The following RNF13 variants were observed in gnomAD, a reference collection of about 807,000 sequenced individuals.
RNF13 encodes the protein ring finger protein 13.
Under a neutral mutation model 37.7 loss-of-function variants are expected in RNF13, and 19 were observed. The ratio of observed to expected loss-of-function variants is 0.50; its 90% CI spans 0.35 to 0.74. RNF13 has a LOEUF of 0.74. Among genes scored for constraint, RNF13 ranks in the 30% least tolerant of loss-of-function variants. The pLI is 0.01. For missense variants in RNF13, 375 were observed against 453.0 expected (o/e 0.83, Z 1.56); for synonymous variants, 144 against 157.8 (o/e 0.91, Z 0.65).
intron 4 of RNF13, among the ~76,000 whole-genome samples, chr3:149,881,015 A>G (rs963705928): frequency 2.0e-5 from 3 of 152,210 alleles, no homozygotes; most frequent in Admixed American, 6.5e-5. Context: ...CACTACCTAT[A>G]CGATAATAAC....
intron 4 of RNF13, among the ~76,000 whole-genome samples, chr3:149,878,485 A>C (rs1576809310): frequency 6.6e-6 from 1 of 152,324 alleles, no homozygotes; most frequent in East Asian, 1.9e-4. Context: ...AATGGAATGT[A>C]ATATTGGCAG....
intron 1 of RNF13, among the ~76,000 whole-genome samples, chr3:149,831,223 G>T (rs1451526114): frequency 3.9e-5 from 6 of 152,222 alleles, no homozygotes; most frequent in Admixed American, 3.9e-4. Context: ...GCAGGCCACT[G>T]TTCTCCAGAC....
At chr3:149,846,325 G>A (rs767341355) in intron 2 of RNF13, among the ~76,000 whole-genome samples, 185 bp downstream of exon 2, 4 of 152,116 alleles carry the variant, frequency 2.6e-5, no homozygotes, top group South Asian at 4.1e-4. Context: ...TTTTTGAGAC[G>A]GAATTTCATT....
intron 8 of RNF13, among the ~76,000 whole-genome samples, chr3:149,929,883 A>G (rs1337251435): frequency 6.6e-6 from 1 of 152,002 alleles, no homozygotes; most frequent in Non-Finnish European, 1.5e-5. Flanking sequence ...TGTCCCATTT[A>G]TCTATTCTTT....
chr3:149,916,548 A>T (rs543460100), intron 7 of RNF13, among the ~76,000 whole-genome samples: 1 of 152,264 alleles, frequency 6.6e-6, no homozygotes, highest in African/African-American at 2.4e-5. Flanking sequence ...TTAATGCTAA[A>T]TTCTTTACTT....
chr3:149,919,002 A>G (rs933920169), intron 7 of RNF13, among the ~76,000 whole-genome samples: 1 of 151,978 alleles, frequency 6.6e-6, no homozygotes, highest in South Asian at 2.1e-4. Flanking sequence ...ATGTATTTGG[A>G]TTAATTTCTA....
chr3:149,856,877 A>G (rs1723706437), intron 3 of RNF13, among the ~76,000 whole-genome samples: 2 of 152,156 alleles, frequency 1.3e-5, no homozygotes, highest in African/African-American at 4.8e-5. Flanking sequence ...CCTCCTGAGT[A>G]GCTGGGACTA....
At chr3:149,815,985 C>T (rs574054625) in intron 1 of RNF13, among the ~76,000 whole-genome samples, 15 of 152,126 alleles carry the variant, frequency 9.9e-5, no homozygotes, top group East Asian at 3.9e-4. Context: ...CTCGACCTCC[C>T]GTGCTCAAGG....
chr3:149,830,667 GA>G (rs1211112594), intron 1 of RNF13, among the ~76,000 whole-genome samples: 2 of 147,048 alleles, frequency 1.4e-5, no homozygotes, highest in Admixed American at 1.4e-4. Context: ...TGATGCAATA[GA>G]AAAGAAAAAC....
intron 6 of RNF13, 89 bp from the exon 7 acceptor site, chr3:149,911,889 G>C: frequency 2.7e-6 from 2 of 748,748 alleles, no homozygotes; most frequent in South Asian, 3.1e-5. Flanking sequence ...CTATATGTCT[G>C]TTTTTAAAAA....
chr3:149,960,734 C>T lies in RNF13; in HGVS notation c.782-6C>T, dbSNP rs2108621948. 3 of 1,591,230 alleles carry T rather than the reference C, an allele frequency of 1.9e-6. No individual in the cohort carries two copies. Among genetic ancestry groups the T allele is most frequent in the Non-Finnish European group, 2.6e-6 (3 of 1,171,896 alleles). On this transcript the variant is annotated splice_region_variant and splice_polypyrimidine_tract_variant and intron_variant, in intron 9 of 9. Coordinates refer to ENST00000392894, the MANE Select transcript of RNF13 (RefSeq NM_183381.3). ...CTAACTAAAGATGTATATTTTGCTT[C>T]AACAGCTTATCACTGCAAGTGTGTA...
intron 5 of RNF13, among the ~76,000 whole-genome samples, chr3:149,898,613 A>G (rs923824228): frequency 6.6e-6 from 1 of 152,188 alleles, no homozygotes; most frequent in Non-Finnish European, 1.5e-5. Context: ...TTTAGTTGCG[A>G]TGAAGATTGA....
chr3:149,858,042 G>C (rs1723833553), intron 3 of RNF13, among the ~76,000 whole-genome samples: 1 of 152,160 alleles, frequency 6.6e-6, no homozygotes, highest in Non-Finnish European at 1.5e-5. Flanking sequence ...TCCCTCAAGA[G>C]TGGGTTGTTA....
chr3:149,922,216 T>TC (rs1718205625), intron 8 of RNF13, among the ~76,000 whole-genome samples: 2 of 152,140 alleles, frequency 1.3e-5, no homozygotes, highest in Admixed American at 1.3e-4. Context: ...TTGTGATCCA[T>TC]CCACCTCGGC....
intron 1 of RNF13, among the ~76,000 whole-genome samples, chr3:149,839,860 A>G (rs1229520208): frequency 6.6e-6 from 1 of 152,096 alleles, no homozygotes; most frequent in Non-Finnish European, 1.5e-5. Flanking sequence ...TGTATGTTGC[A>G]TTTGTCTTTA....
chr3:149,895,989 T>G (rs1715218154), intron 5 of RNF13, among the ~76,000 whole-genome samples: 1 of 152,208 alleles, frequency 6.6e-6, no homozygotes, highest in Non-Finnish European at 1.5e-5. Context: ...TTATTAGCCC[T>G]TCGTCATACA....
At position 149,844,033 on chromosome 3, in the gene RNF13, C is replaced by A. The variant is rs113231249; in HGVS notation, c.-16-1978C>A. On this transcript the variant is annotated intron_variant, in intron 1 of 9. Transcript: ENST00000392894. ...TTAGCTGGAAATTTAGATGGAAAGTCATAGTTTTTATTCAGATTCAGTTTC... is the reference window on the plus strand; with the variant it reads ...TTAGCTGGAAATTTAGATGGAAAGTAATAGTTTTTATTCAGATTCAGTTTC... 7.7e-4 allele frequency among the ~76,000 whole-genome samples: 117 copies of A among 152,302 alleles called. 1 individual carries two copies. Among genetic ancestry groups the A allele is most frequent in the African/African-American group, 2.7e-3 (114 of 41,574 alleles).
At chr3:149,837,936 G>A in intron 1 of RNF13, among the ~76,000 whole-genome samples, 1 of 152,140 alleles carries the variant, frequency 6.6e-6, no homozygotes. Context: ...AAAATCAAAA[G>A]CCAATCAGTC....
chr3:149,882,650 C>T (rs1011897770), intron 4 of RNF13, among the ~76,000 whole-genome samples: 2 of 152,090 alleles, frequency 1.3e-5, no homozygotes, highest in Non-Finnish European at 2.9e-5. Flanking sequence ...ACAAATTTTG[C>T]TTACTAGTAT....
Sources: allele counts gnomAD v4.1 joint callset (sites outside exome capture counted in the v4.1 genomes callset), GRCh38; gene constraint gnomAD v4.1.1; transcripts MANE v1.5; gene names NCBI Gene and HGNC (gene_info 2026-07-23, HGNC 2026-07-21).